The following CD2 variants were observed in gnomAD, a reference collection of about 807,000 sequenced individuals.
CD2 encodes T-cell surface antigen CD2.
In CD2, 18 loss-of-function variants were observed where a neutral mutation model predicts 23.2. That is an observed-to-expected ratio of 0.77 (90% CI 0.54 to 1.15). The LOEUF (loss-of-function observed/expected upper bound fraction) is 1.15, where lower values mean the gene tolerates loss of function less well. Among genes scored for constraint, CD2 ranks in the 50% most tolerant of loss-of-function variants. The pLI, the probability that CD2 is intolerant of heterozygous loss-of-function variation, is 0.00. For synonymous variants in CD2, 162 were observed against 151.9 expected, an observed-to-expected ratio of 1.07 and a Z score of -0.49; for missense variants, 424 against 423.1, an observed-to-expected ratio of 1.00 and a Z score of -0.02.
intron 3 of CD2, among the ~76,000 whole-genome samples, chr1:116,761,241 G>A (rs1471829575): frequency 6.6e-6 from 1 of 152,230 alleles, no homozygotes; most frequent in East Asian, 1.9e-4. Context: ...CCAGCCTGAT[G>A]TGACCTCCAG....
In CD2 at chr1:116,754,854, G is replaced by A. The variant is rs1402223797; in HGVS notation, c.285G>A (p.Lys95=). The A allele has an allele frequency of 6.2e-7, 1 of 1,612,462 alleles. No homozygotes were observed. Among genetic ancestry groups the A allele is most frequent in the South Asian group, 1.1e-5 (1 of 91,028 alleles). The change falls in exon 2 of 5, where the codon AAG becomes AAA. Residue 95 remains lysine, a synonymous_variant. Coordinates refer to ENST00000369478, the MANE Select transcript of CD2 (RefSeq NM_001767.5). The part of the protein sequence containing the change: ...KLFKNGTLKI[K]HLKTDDQDIY... The stretch of plus-strand genomic sequence containing the variant: ...TTAAAAATGGAACTCTGAAAATTAA[G>A]CATCTGAAGACCGATGATCAGGATA...
At chr1:116,760,321 C>T in intron 2 of CD2, 81 bp from the exon 3 acceptor site, 1 of 1,046,576 alleles carries the variant, frequency 9.6e-7, no homozygotes, top group East Asian at 2.6e-5. Context: ...TAACTGACTC[C>T]ATCCCCCACT....
chr1:116,762,508 T>C (rs1036145929), intron 3 of CD2, among the ~76,000 whole-genome samples: 7 of 152,120 alleles, frequency 4.6e-5, no homozygotes, highest in Middle Eastern at 3.2e-3. Flanking sequence ...GGAGCTGCTC[T>C]TGAAGACCCG....
chr1:116,765,327 G>A (rs1191867825), intron 4 of CD2, among the ~76,000 whole-genome samples: 1 of 152,140 alleles, frequency 6.6e-6, no homozygotes, highest in African/African-American at 2.4e-5. Context: ...AGGCCCTGGG[G>A]TTCTCTGCAA....
At chr1:116,768,260 T>C (rs1483791141) in intron 4 of CD2, among the ~76,000 whole-genome samples, 1 of 152,192 alleles carries the variant, frequency 6.6e-6, no homozygotes, top group Non-Finnish European at 1.5e-5. Flanking sequence ...TTGAGTTCTC[T>C]TGTCCTAGGC....
Position 116,766,528 on chromosome 1 carries a change from G to A in CD2, c.736+1922G>A, listed in dbSNP as rs572784297. Reference sequence around the variant, plus strand: ...TCACAATGACACTTAACACTTGGAAGATGAGGAATAAATGTTGGAAGGACA... The same window carrying A: ...TCACAATGACACTTAACACTTGGAAAATGAGGAATAAATGTTGGAAGGACA... On this transcript the variant is annotated intron_variant, in intron 4 of 4. Transcript: ENST00000369478. Among the ~76,000 whole-genome samples the A allele has an allele frequency of 2.0e-5, 3 of 152,300 alleles. No homozygotes were observed. In the South Asian group the frequency reaches 6.2e-4, roughly 32 times the overall value.
In CD2 at chr1:116,764,469, C is replaced by T. The variant is rs765742702; in HGVS notation, c.614-15C>T. 3 of 1,613,016 alleles carry T rather than the reference C, an allele frequency of 1.9e-6. No homozygotes were observed. Among genetic ancestry groups the T allele is most frequent in the Admixed American group, 3.3e-5 (2 of 59,888 alleles). On this transcript the variant is annotated splice_polypyrimidine_tract_variant and intron_variant, in intron 3 of 4. Transcript: ENST00000369478. ...TGGACCCCTCCCAGCCATCCCACTT[C>T]TCTTCCTTTTGCAGAGAAAGGTCTG...
intron 3 of CD2, among the ~76,000 whole-genome samples, chr1:116,761,373 C>T (rs1035638840): frequency 1.3e-5 from 2 of 152,286 alleles, no homozygotes; most frequent in African/African-American, 4.8e-5. Context: ...TTCTTCCCCT[C>T]TCTAGGCTTC....
intron 1 of CD2, 25 bp from the exon 2 acceptor site, chr1:116,754,606 T>C: frequency 6.2e-7 from 1 of 1,607,760 alleles, no homozygotes; most frequent in Non-Finnish European, 8.5e-7. Context: ...AAAGTGACTC[T>C]CAGTAACTCT....
Position 116,760,511 on chromosome 1 carries a change from T to G in CD2, c.492T>G (p.His164Gln). ...TAAACCTGTATCAAGATGGGAAACATCTAAAACTTTCTCAGAGGGTCATCA... is the reference window on the plus strand; with the variant it reads ...TAAACCTGTATCAAGATGGGAAACAGCTAAAACTTTCTCAGAGGGTCATCA... ...PELNLYQDGKHLKLSQRVITH... is the reference protein window; with the variant it reads ...PELNLYQDGKQLKLSQRVITH... Residue 164 changes from histidine to glutamine, a missense_variant, in exon 3 of 5, where the codon CAT (histidine) becomes CAG (glutamine). By Grantham distance (24) the His-to-Gln change is conservative (BLOSUM62 0). Transcript: ENST00000369478. 1 of 1,614,140 alleles carries G rather than the reference T, an allele frequency of 6.2e-7. No homozygotes were observed.
rs753088486 is a variant in CD2, at chr1:116,760,645, C to T, written c.613+13C>T. The T allele has an allele frequency of 3.1e-6, 5 of 1,601,742 alleles. No homozygotes were observed. Among genetic ancestry groups the T allele is most frequent in the South Asian group, 1.1e-5 (1 of 90,666 alleles). ...GTCAGCTGTCCAGGTGCGTGGCGGG[C>T]ATCACTTCACAAACACAGCCTGCCA... On this transcript the variant is annotated intron_variant, in intron 3 of 4. Transcript: ENST00000369478.
intron 2 of CD2, among the ~76,000 whole-genome samples, chr1:116,755,645 T>A (rs1247267713): frequency 6.6e-6 from 1 of 152,076 alleles, no homozygotes; most frequent in East Asian, 1.9e-4. Flanking sequence ...TCAGATTTTT[T>A]TTGCATGCGG....
rs1316003958 is a variant in CD2, at chr1:116,768,748, G to T, written c.1021G>T (p.Ala341Ser). 6.2e-7 allele frequency: 1 copy of T among 1,613,766 alleles called. No individual in the cohort carries two copies. The highest frequency in any genetic ancestry group is 1.1e-5 in the South Asian group (1 of 90,996). ...PRVQPKPPHG[A>S]AENSLSPSSN ...AGTTCAGCCAAAACCTCCCCATGGG[G>T]CAGCAGAAAACTCATTGTCCCCTTC... The change falls in exon 5 of 5, where the codon GCA becomes TCA. Residue 341 changes from alanine to serine, a missense_variant. Transcript: ENST00000369478.
rs761586701 is a variant in CD2 at position 116,754,456 on chromosome 1, A to G, written c.-37A>G. The G allele has an allele frequency of 1.3e-6, 2 of 1,587,888 alleles. No homozygotes were observed. Among genetic ancestry groups the G allele is most frequent in the South Asian group, 2.2e-5 (2 of 89,590 alleles). ...GTCTCACTTCAGTTCCTTTTGCATG[A>G]AGAGCTCAGAATCAAAAGAGGAAAC... On this transcript the variant is annotated 5_prime_UTR_variant, in exon 1 of 5. Transcript: ENST00000369478.
Position 116,760,614 on chromosome 1 carries a change from G to C in CD2, c.595G>C (p.Glu199Gln), listed in dbSNP as rs769894316. Reference sequence around the variant, plus strand: ...CAAAGTCAGCAAGGAATCCAGTGTCGAGCCTGTCAGCTGTCCAGGTGCGTG... The same window carrying C: ...CAAAGTCAGCAAGGAATCCAGTGTCCAGCCTGTCAGCTGTCCAGGTGCGTG... ...GNKVSKESSV[E>Q]PVSCPEKGLD... Residue 199 changes from glutamate to glutamine, a missense_variant, in exon 3 of 5, where the codon GAG becomes CAG. Coordinates refer to ENST00000369478, the MANE Select transcript of CD2 (RefSeq NM_001767.5). The C allele has an allele frequency of 1.4e-5, 22 of 1,614,134 alleles. No homozygotes were observed. The highest frequency in any genetic ancestry group is 1.8e-5 in the Non-Finnish European group (21 of 1,180,014).
chr1:116,765,445 G>A (rs1210885951), intron 4 of CD2, among the ~76,000 whole-genome samples: 1 of 152,152 alleles, frequency 6.6e-6, no homozygotes, highest in African/African-American at 2.4e-5. Flanking sequence ...CCAGGCACCG[G>A]TGGCCTTGGG....
Position 116,754,565 on chromosome 1 carries a change from A to T in CD2, c.61+12A>T. 2 of 1,612,692 alleles carry T rather than the reference A, an allele frequency of 1.2e-6. No homozygotes were observed. Among genetic ancestry groups the T allele is most frequent in the Non-Finnish European group, 1.7e-6 (2 of 1,179,578 alleles). On this transcript the variant is annotated intron_variant, in intron 1 of 4. Coordinates refer to ENST00000369478, the MANE Select transcript of CD2 (RefSeq NM_001767.5). The stretch of plus-strand genomic sequence containing the variant: ...TGTTTCTTCCAAAGGTAAGCATAAG[A>T]GTCAAAGAAGTCCCAACCCAGCTTT...
intron 4 of CD2, among the ~76,000 whole-genome samples, chr1:116,767,551 A>G (rs1056057978): frequency 2.5e-4 from 37 of 150,566 alleles, no homozygotes; most frequent in African/African-American, 9.1e-4. Flanking sequence ...AGATCGCACC[A>G]TTGCACTCTA....
chr1:116,759,256 A>G (rs1651958203), intron 2 of CD2, among the ~76,000 whole-genome samples: 1 of 152,166 alleles, frequency 6.6e-6, no homozygotes, highest in Non-Finnish European at 1.5e-5. Context: ...ATGCCTATAT[A>G]TATCGGGACA....
Sources: gnomAD v4.1 joint callset for allele counts (sites outside exome capture counted in the v4.1 genomes callset) on GRCh38, gnomAD v4.1.1 for gene constraint, MANE v1.5 for transcripts, NCBI Gene and HGNC (gene_info 2026-07-23, HGNC 2026-07-21) for gene names.